The following LIMD1 variants were observed in gnomAD, a reference collection of about 807,000 sequenced individuals.
LIMD1 encodes the protein LIM domain containing 1.
LIMD1 carries 23 observed loss-of-function variants against 58.4 expected under a neutral mutation model. The observed-to-expected ratio is 0.39, with a 90% CI of 0.28 to 0.56. LIMD1 has a LOEUF of 0.56. Among genes scored for constraint, LIMD1 ranks in the 20% least tolerant of loss-of-function variants. LIMD1 has a pLI of 0.57. For missense variants in LIMD1, 838 were observed against 855.5 expected, an observed-to-expected ratio of 0.98 and a Z score of 0.25; for synonymous variants, 334 against 345.5, an observed-to-expected ratio of 0.97 and a Z score of 0.37.
intron 1 of LIMD1, among the ~76,000 whole-genome samples, chr3:45,621,278 G>A (rs1024962362): frequency 1.3e-4 from 19 of 151,838 alleles, no homozygotes; most frequent in African/African-American, 4.6e-4. Flanking sequence ...TTGCCAGACT[G>A]GACTGCAGTG....
chr3:45,684,175 A>C lies in LIMD1; in HGVS notation c.*7116A>C, dbSNP rs185622605. Reference sequence around the variant, plus strand: ...CTAGATGTGTGACACTTCTAGGAGAATCTCTGGCTATGTGGATACGTCCAG... The same window carrying C: ...CTAGATGTGTGACACTTCTAGGAGACTCTCTGGCTATGTGGATACGTCCAG... On this transcript the variant is annotated 3_prime_UTR_variant, in exon 8 of 8. Transcript: ENST00000273317. 8 of 152,330 alleles carry C rather than the reference A, an allele frequency of 5.3e-5. No homozygotes were observed. Among genetic ancestry groups the C allele is most frequent in the African/African-American group, 1.9e-4 (8 of 41,576 alleles). The allele number at this position is 152,330 out of a possible 1,614,324, so 9.4% of individuals were successfully genotyped here. A position where few individuals can be genotyped will look rare whatever the true frequency, so the allele number is the denominator to read the frequency against.
At position 45,606,198 on chromosome 3, in the gene LIMD1, G is replaced by C. The variant is rs182356588; in HGVS notation, c.1408+9911G>C. Among the ~76,000 whole-genome samples, 103 of 152,324 alleles carry C rather than the reference G, an allele frequency of 6.8e-4. 1 individual carries two copies. The highest frequency in any genetic ancestry group is 6.8e-3 in the Middle Eastern group (2 of 294). ...ACCCCATTTCACAGATGGAGAAACT[G>C]AGCTACACAGAAGTTAAGTGGCCCG... On this transcript the variant is annotated intron_variant, in intron 1 of 7. Transcript: ENST00000273317.
At chr3:45,600,662 C>T (rs1476334304) in intron 1 of LIMD1, among the ~76,000 whole-genome samples, 1 of 152,188 alleles carries the variant, frequency 6.6e-6, no homozygotes, top group East Asian at 1.9e-4. Flanking sequence ...GCTGACACTG[C>T]AGAGGTGGGG....
At chr3:45,646,902 G>C (rs1487772717) in intron 2 of LIMD1, among the ~76,000 whole-genome samples, 1 of 152,148 alleles carries the variant, frequency 6.6e-6, no homozygotes, top group Non-Finnish European at 1.5e-5. Context: ...CTGGGTTCAA[G>C]TGATCCTCCC....
At chr3:45,649,398 T>C (rs1325845277) in intron 2 of LIMD1, among the ~76,000 whole-genome samples, 1 of 151,936 alleles carries the variant, frequency 6.6e-6, no homozygotes, top group African/African-American at 2.4e-5. Context: ...ATATATTTTT[T>C]TGGCTGGGCG....
intron 1 of LIMD1, among the ~76,000 whole-genome samples, chr3:45,608,727 C>G (rs922686423): frequency 6.6e-6 from 1 of 151,422 alleles, no homozygotes; most frequent in African/African-American, 2.4e-5. Context: ...GTAGTCCCAG[C>G]TACTCGGGAG....
At chr3:45,600,562 C>T (rs1444385823) in intron 1 of LIMD1, among the ~76,000 whole-genome samples, 1 of 152,186 alleles carries the variant, frequency 6.6e-6, no homozygotes, top group East Asian at 1.9e-4. Flanking sequence ...CTTTGTGTCT[C>T]TCTGTCCATG....
At chr3:45,667,022 T>G (rs1697529312) in intron 3 of LIMD1, among the ~76,000 whole-genome samples, 1 of 152,230 alleles carries the variant, frequency 6.6e-6, no homozygotes, top group Admixed American at 6.5e-5. Flanking sequence ...CAGCAGTGCC[T>G]CAGGAGTCAT....
At chr3:45,669,245 C>T (rs558398816) in intron 4 of LIMD1, among the ~76,000 whole-genome samples, 7 of 152,222 alleles carry the variant, frequency 4.6e-5, no homozygotes, top group African/African-American at 1.4e-4. Flanking sequence ...TTAATGAATA[C>T]AACATCAAAT....
rs1408685995 is a variant in LIMD1 at position 45,679,632 on chromosome 3, CA to C, written c.*2576del. On this transcript the variant is annotated 3_prime_UTR_variant, in exon 8 of 8. Coordinates refer to ENST00000273317, the MANE Select transcript of LIMD1 (RefSeq NM_014240.3). ...AGGATTGTGGCCGGATTTCAGATCC[CA>C]AAGCCAGCCTCCATCTTAGGCCTTT... 6.6e-6 allele frequency: 1 copy of C among 152,180 alleles called. No homozygotes were observed. The highest frequency in any genetic ancestry group is 1.5e-5 in the Non-Finnish European group (1 of 68,030). The allele number at this position is 152,180 out of a possible 1,614,324, so 9.4% of individuals were successfully genotyped here.
chr3:45,620,643 C>T (rs76643521), intron 1 of LIMD1, among the ~76,000 whole-genome samples: 1,989 of 152,106 alleles, frequency 0.013, 59 homozygotes, highest in African/African-American at 0.045. Flanking sequence ...AGCTAGAAAT[C>T]GCTTGAACCT....
chr3:45,676,065 G>A (rs974788154), intron 7 of LIMD1, among the ~76,000 whole-genome samples: 1 of 152,114 alleles, frequency 6.6e-6, no homozygotes, highest in Non-Finnish European at 1.5e-5. Flanking sequence ...CCAACATGGT[G>A]AAACCCTGTC....
At chr3:45,617,587 C>T (rs757444075) in intron 1 of LIMD1, among the ~76,000 whole-genome samples, 2 of 152,200 alleles carry the variant, frequency 1.3e-5, no homozygotes, top group South Asian at 2.1e-4. Context: ...GCAAAGTGCC[C>T]GCCAATTTTC....
rs767831934 is a variant in LIMD1, at chr3:45,596,002, A to C, written c.1123A>C (p.Thr375Pro). ...VPGLGPKPGC[T>P]DLGTGPKLSP... ...TGGGCTGGGGCCGAAGCCTGGCTGC[A>C]CAGACCTTGGCACTGGTCCCAAGCT... The change falls in exon 1 of 8, where the codon ACA becomes CCA. Residue 375 changes from threonine to proline, a missense_variant. Coordinates refer to ENST00000273317, the MANE Select transcript of LIMD1 (RefSeq NM_014240.3). 2 of 1,614,160 alleles carry C rather than the reference A, an allele frequency of 1.2e-6. No individual in the cohort carries two copies. The highest frequency in any genetic ancestry group is 3.3e-5 in the Admixed American group (2 of 60,030).
intron 1 of LIMD1, among the ~76,000 whole-genome samples, chr3:45,617,168 G>T (rs547910035): frequency 6.6e-6 from 1 of 151,396 alleles, no homozygotes; most frequent in South Asian, 2.1e-4. Context: ...CTAGTAGCTG[G>T]GACTACAGGT....
intron 2 of LIMD1, among the ~76,000 whole-genome samples, chr3:45,640,452 G>A (rs185843007): frequency 5.3e-5 from 8 of 152,016 alleles, no homozygotes; most frequent in South Asian, 2.1e-4. Flanking sequence ...TTTTTAAGAC[G>A]GATCTCACTC....
At chr3:45,668,521 C>T (rs995415540) in intron 4 of LIMD1, among the ~76,000 whole-genome samples, 165 bp downstream of exon 4, 9 of 152,144 alleles carry the variant, frequency 5.9e-5, no homozygotes, top group Non-Finnish European at 8.8e-5. Flanking sequence ...GAGGCCGAGG[C>T]GGGCGGATCA....
At chr3:45,628,924 A>G (rs1377756328) in intron 1 of LIMD1, among the ~76,000 whole-genome samples, 6 of 152,246 alleles carry the variant, frequency 3.9e-5, no homozygotes, top group Non-Finnish European at 8.8e-5. Flanking sequence ...CAGATAAAGT[A>G]CATACTCCAG....
At chr3:45,675,975 G>C (rs908479604) in intron 7 of LIMD1, among the ~76,000 whole-genome samples, 3 of 152,148 alleles carry the variant, frequency 2.0e-5, no homozygotes, top group Non-Finnish European at 4.4e-5. Context: ...AAATCCTGCT[G>C]GGCGTGGTGG....
Sources: allele counts gnomAD v4.1 joint callset (sites outside exome capture counted in the v4.1 genomes callset), GRCh38; gene constraint gnomAD v4.1.1; transcripts MANE v1.5; gene names NCBI Gene and HGNC (gene_info 2026-07-23, HGNC 2026-07-21).